The following CREG2 variants were observed in gnomAD, a reference collection of about 807,000 sequenced individuals.
The protein encoded by CREG2 is protein CREG2.
In CREG2, 24 loss-of-function variants were observed where a neutral mutation model predicts 26.2. The ratio of observed to expected loss-of-function variants is 0.92; its 90% CI spans 0.66 to 1.29. The LOEUF (loss-of-function observed/expected upper bound fraction) is 1.29. Ranked by LOEUF, CREG2 falls within the 50% of genes most tolerant of loss-of-function variation. CREG2 has a pLI of 0.00. For missense variants in CREG2, 366 were observed against 398.6 expected (o/e 0.92, Z 0.70); for synonymous variants, 174 against 169.2 (o/e 1.03, Z -0.22).
At chr2:101,380,350 C>A (rs1371589689) in intron 2 of CREG2, among the ~76,000 whole-genome samples, 1 of 152,228 alleles carries the variant, frequency 6.6e-6, no homozygotes, top group Non-Finnish European at 1.5e-5. Context: ...GGTGCAGAGT[C>A]TGCAGTAACC....
intron 2 of CREG2, among the ~76,000 whole-genome samples, chr2:101,362,127 G>A (rs1262960374): frequency 6.6e-6 from 1 of 152,128 alleles, no homozygotes; most frequent in Non-Finnish European, 1.5e-5. Context: ...AAAGCTCAAG[G>A]AGCTGCTTGC....
intron 2 of CREG2, among the ~76,000 whole-genome samples, chr2:101,355,816 C>T (rs1268918168): frequency 1.3e-5 from 2 of 152,070 alleles, no homozygotes; most frequent in African/African-American, 4.8e-5. Context: ...GGAATGAACC[C>T]TGTACCAAGT....
rs1458420168 is a variant in CREG2, at chr2:101,359,012, G to T, written c.612-3646C>A. ...ATCCCGCCACTGCACTCCAGCCTGG[G>T]CGACAGAGCGAGACTCCGTCTCAAA... On this transcript the variant is annotated intron_variant, in intron 2 of 3. Coordinates refer to ENST00000324768, the MANE Select transcript of CREG2 (RefSeq NM_153836.4). Among the ~76,000 whole-genome samples, 2 of 15,802 alleles carry T rather than the reference G, an allele frequency of 1.3e-4. 1 individual carries two copies. Among genetic ancestry groups the T allele is most frequent in the Non-Finnish European group, 5.6e-4 (2 of 3,562 alleles). 10.4% of individuals were successfully genotyped at this position (15,802 alleles called of 152,430 possible).
In CREG2 at chr2:101,348,555, G is replaced by A. The variant is rs981377259; in HGVS notation, c.*2368C>T. On this transcript the variant is annotated 3_prime_UTR_variant, in exon 4 of 4. Transcript: ENST00000324768. ...ATTTCACTTTGGAGTGATTGCAAAT[G>A]GTATTGTGTTTTTAGTTTTTTTCCC... 6.6e-6 allele frequency: 1 copy of A among 152,048 alleles called. No individual in the cohort carries two copies. Among genetic ancestry groups the A allele is most frequent in the Non-Finnish European group, 1.5e-5 (1 of 68,012 alleles). The allele number at this position is 152,048 out of a possible 1,614,324, so 9.4% of individuals were successfully genotyped here.
rs68168982 is a variant in CREG2 at position 101,380,015 on chromosome 2, C to CT, written c.611+3517_611+3518insA. ...TCTATCTATCTATCTATCTATCTAT[C>CT]AATCATCTATCCATCCATTCATCTA... On this transcript the variant is annotated intron_variant, in intron 2 of 3. Transcript: ENST00000324768. Among the ~76,000 whole-genome samples the CT allele has an allele frequency of 1.5e-3, 234 of 151,232 alleles. 2 individuals are homozygous for CT. Among genetic ancestry groups the CT allele is most frequent in the Middle Eastern group, 3.4e-3 (1 of 294 alleles).
chr2:101,359,919 C>A (rs1490481630), intron 2 of CREG2, among the ~76,000 whole-genome samples: 1 of 152,204 alleles, frequency 6.6e-6, no homozygotes, highest in African/African-American at 2.4e-5. Flanking sequence ...CTCCCATAAA[C>A]AAGGACATGC....
At chr2:101,363,194 C>T (rs778682077) in intron 2 of CREG2, among the ~76,000 whole-genome samples, 2 of 152,138 alleles carry the variant, frequency 1.3e-5, no homozygotes, top group South Asian at 2.1e-4. Flanking sequence ...AAGGCATGGA[C>T]GCCATTGTAC....
At chr2:101,351,134 G>A in intron 3 of CREG2, 64 bp from the exon 4 acceptor site, 1 of 1,526,982 alleles carries the variant, frequency 6.5e-7, no homozygotes, top group Admixed American at 1.9e-5. Context: ...CCTGGGCCAA[G>A]TCATAGGACC....
rs13416378 is a variant in CREG2 at position 101,386,576 on chromosome 2, C to G, written c.441+441G>C. On this transcript the variant is annotated intron_variant, in intron 1 of 3. Transcript: ENST00000324768. ...CGAAGCCCTCGTGCTCTCTCTCTCC[C>G]CATCCCTGCTTCAGCTCCAGGTCAG... Among the ~76,000 whole-genome samples the G allele has an allele frequency of 1.6e-3, 241 of 152,336 alleles. 1 individual carries two copies. Among genetic ancestry groups the G allele is most frequent in the African/African-American group, 5.6e-3 (231 of 41,594 alleles).
intron 2 of CREG2, among the ~76,000 whole-genome samples, chr2:101,364,057 C>T (rs1236065103): frequency 6.6e-6 from 1 of 152,188 alleles, no homozygotes. Context: ...GGGGCTCTAT[C>T]TCCTTGCACT....
chr2:101,386,663 C>T (rs6743199), intron 1 of CREG2, among the ~76,000 whole-genome samples: 65,123 of 151,784 alleles, frequency 0.43, 14,759 homozygotes, highest in East Asian at 0.53. Context: ...CTGTCCCCGC[C>T]TACTCTGCGA....
intron 2 of CREG2, among the ~76,000 whole-genome samples, chr2:101,368,572 A>C (rs541527781): frequency 6.6e-6 from 1 of 152,292 alleles, no homozygotes; most frequent in Admixed American, 6.5e-5. Context: ...CTTGCCACGC[A>C]ATTAGTGATT....
At chr2:101,372,590 A>G (rs1684725489) in intron 2 of CREG2, among the ~76,000 whole-genome samples, 2 of 152,208 alleles carry the variant, frequency 1.3e-5, no homozygotes, top group Admixed American at 6.5e-5. Context: ...ATCTGATGGG[A>G]AAAGCCCAGC....
chr2:101,374,914 T>C (rs1451785244), intron 2 of CREG2, among the ~76,000 whole-genome samples: 1 of 152,216 alleles, frequency 6.6e-6, no homozygotes, highest in Non-Finnish European at 1.5e-5. Flanking sequence ...CAATTAAACT[T>C]GGTGCACCCT....
rs1474449877 is a variant in CREG2 at position 101,350,695 on chromosome 2, T to A, written c.*228A>T. ...TGAGTCTGGATTGAATACAATGGAA[T>A]AAAGACTATCTACGTGAAGTATCTG... On this transcript the variant is annotated 3_prime_UTR_variant, in exon 4 of 4. Coordinates refer to ENST00000324768, the MANE Select transcript of CREG2 (RefSeq NM_153836.4). 1.9e-6 allele frequency: 1 copy of A among 516,104 alleles called. No homozygotes were observed. The highest frequency in any genetic ancestry group is 1.9e-5 in the African/African-American group (1 of 52,504). The allele number at this position is 516,104 out of a possible 1,614,324, so 32.0% of individuals were successfully genotyped here.
intron 2 of CREG2, among the ~76,000 whole-genome samples, chr2:101,374,796 C>G (rs1030981206): frequency 6.6e-6 from 1 of 152,246 alleles, no homozygotes; most frequent in Non-Finnish European, 1.5e-5. Context: ...ATCTATCATT[C>G]CACATTTTCT....
intron 2 of CREG2, among the ~76,000 whole-genome samples, chr2:101,368,354 C>T (rs894382449): frequency 2.1e-4 from 32 of 151,332 alleles, no homozygotes; most frequent in African/African-American, 6.8e-4. Flanking sequence ...TTCTAAAGCA[C>T]GAAGTCTGTG....
At chr2:101,359,921 A>G (rs575960456) in intron 2 of CREG2, among the ~76,000 whole-genome samples, 10 of 152,336 alleles carry the variant, frequency 6.6e-5, no homozygotes, top group African/African-American at 2.4e-4. Context: ...CCCATAAACA[A>G]GGACATGCCA....
At chr2:101,375,312 C>G (rs1181050578) in intron 2 of CREG2, among the ~76,000 whole-genome samples, 1 of 152,168 alleles carries the variant, frequency 6.6e-6, no homozygotes, top group African/African-American at 2.4e-5. Context: ...AACTAGATTC[C>G]TTTGCAAACT....
Sources: allele counts gnomAD v4.1 joint callset (sites outside exome capture counted in the v4.1 genomes callset), GRCh38; gene constraint gnomAD v4.1.1; transcripts MANE v1.5; gene names NCBI Gene and HGNC (gene_info 2026-07-23, HGNC 2026-07-21).